The following FUZ variants were observed in gnomAD, a reference collection of about 807,000 sequenced individuals.
The protein encoded by FUZ is fuzzy planar cell polarity protein, also known as protein fuzzy homolog.
In FUZ, 31 loss-of-function variants were observed where a neutral mutation model predicts 43.1. The ratio of observed to expected loss-of-function variants is 0.72; its 90% CI spans 0.54 to 0.97. The LOEUF (loss-of-function observed/expected upper bound fraction) is 0.97. FUZ is among the 50% of genes least tolerant of loss of function. The pLI is 0.00. For missense variants in FUZ, 539 were observed against 543.8 expected, an observed-to-expected ratio of 0.99 and a Z score of 0.09; for synonymous variants, 274 against 250.0, an observed-to-expected ratio of 1.10 and a Z score of -0.91.
intron 2 of FUZ, 120 bp downstream of exon 2, chr19:49,812,495 G>T: frequency 6.9e-7 from 1 of 1,459,816 alleles, no homozygotes; most frequent in Non-Finnish European, 9.6e-7. Flanking sequence ...TAACTGGCTT[G>T]CTAAAGATCC....
In FUZ at chr19:49,807,339, A is replaced by G; in HGVS notation, c.1069T>C (p.Tyr357His). ...GPPEKTEDEV[Y>H]QAQLPRACYL... The stretch of plus-strand genomic sequence containing the variant: ...CAAGCTCTGGGCAGCTGGGCCTGGT[A>G]GACCTCATCTTCTGTCTTCTCTGGT... Residue 357 changes from tyrosine (Y) to histidine (H), a missense_variant, in exon 11 of 11, where the codon TAC (tyrosine) becomes CAC (histidine). Tyr to His is a moderately conservative substitution (Grantham distance 83, BLOSUM62 2). Transcript: ENST00000313777. 6.2e-7 allele frequency: 1 copy of G among 1,613,580 alleles called. No homozygotes were observed. Among genetic ancestry groups the G allele is most frequent in the Non-Finnish European group, 8.5e-7 (1 of 1,179,950 alleles).
At position 49,813,160 on chromosome 19, in the gene FUZ, G is replaced by A. The variant is rs1255126417; in HGVS notation, c.-54C>T. On this transcript the variant is annotated 5_prime_UTR_variant, in exon 1 of 11. Coordinates refer to ENST00000313777, the MANE Select transcript of FUZ (RefSeq NM_025129.5). ...GGGGACTGTCAGTGCGGGTCTTGGAGCATGGCGGTAATCAGAGTAACTCGG... is the reference window on the plus strand; with the variant it reads ...GGGGACTGTCAGTGCGGGTCTTGGAACATGGCGGTAATCAGAGTAACTCGG... 6.9e-7 allele frequency: 1 copy of A among 1,443,258 alleles called. No homozygotes were observed. The highest frequency in any genetic ancestry group is 2.0e-5 in the Admixed American group (1 of 50,886). 89.4% of individuals were successfully genotyped at this position (1,443,258 alleles called of 1,614,324 possible).
upstream of FUZ, chr19:49,813,328 A>T: frequency 1.6e-6 from 1 of 642,964 alleles, no homozygotes; most frequent in Non-Finnish European, 2.9e-6. Flanking sequence ...CTTCCGCCCT[A>T]GCCGGAAGTC....
intron 2 of FUZ, 50 bp from the exon 3 acceptor site, chr19:49,812,385 G>A: frequency 6.6e-7 from 1 of 1,513,894 alleles, no homozygotes; most frequent in South Asian, 1.1e-5. Context: ...GAATCAGGAA[G>A]GGGTATGTTG....
chr19:49,812,449 G>T, intron 2 of FUZ, 114 bp from the exon 3 acceptor site: 3 of 1,308,788 alleles, frequency 2.3e-6, no homozygotes, highest in Non-Finnish European at 3.3e-6. Context: ...AGACCAACCT[G>T]CCTTTCTTAT....
rs368721486 is a variant in FUZ at position 49,808,759 on chromosome 19, C to A, written c.851G>T (p.Arg284Leu). Residue 284 changes from arginine (R) to leucine (L), a missense_variant, in exon 8 of 11, where the codon CGG (arginine) becomes CTG (leucine). Physicochemically the swap from Arg to Leu is moderately radical, Grantham distance 102. Transcript: ENST00000313777. ...AAGGGGGAAGCCACTGGGCAGCGCC[C>A]GGGGTCCCAACGGCAGACAGGCCCG... ...PLRACLPLGP[R>L]ALPSGFPLHT... 61 of 1,577,126 alleles carry A rather than the reference C, an allele frequency of 3.9e-5. No individual in the cohort carries two copies. The highest frequency in any genetic ancestry group is 3.3e-4 in the Middle Eastern group (2 of 6,020).
rs772843922 is a variant in FUZ, at chr19:49,807,272, C to T, written c.1136G>A (p.Arg379His). 2.0e-5 allele frequency: 32 copies of T among 1,613,232 alleles called. No homozygotes were observed. In the East Asian group the frequency reaches 2.2e-4, roughly 11 times the overall value. The change falls in exon 11 of 11, where the codon CGT becomes CAT. Residue 379 changes from arginine to histidine, a missense_variant. Arg to His is a conservative substitution (Grantham distance 29). Transcript: ENST00000313777. ...LGTEEPGTGV[R>H]LVALQLGLRR... ...AAGCCCCAGCTGCAAGGCCACCAGA[C>T]GCACTCCTGTGCCTGGTTCCTCAGT...
In FUZ at chr19:49,809,624, G is replaced by A; in HGVS notation, c.493-49C>T. 1 of 1,536,726 alleles carries A rather than the reference G, an allele frequency of 6.5e-7. No homozygotes were observed. Among genetic ancestry groups the A allele is most frequent in the Non-Finnish European group, 8.7e-7 (1 of 1,144,466 alleles). ...TGGGAGTCAGCAGACAAGCGTAGGG[G>A]GTGGCAGCGACTTCCCAGATGGGCA... On this transcript the variant is annotated intron_variant, in intron 5 of 10. Transcript: ENST00000313777. The surrounding 1 kb of genome is among the most constrained non-coding windows in gnomAD (Gnocchi z 5.1).
Position 49,807,178 on chromosome 19 carries a change from A to G in FUZ, c.1230T>C (p.Thr410=). 1 of 1,613,306 alleles carries G rather than the reference A, an allele frequency of 6.2e-7. No individual in the cohort carries two copies. Residue 410 remains threonine, a synonymous_variant, in exon 11 of 11, where the codon ACT becomes ACC. Transcript: ENST00000313777. ...AAAGAAGTGGGGTGAGGGCATGCAG[A>G]GTGTGGGTGGCCAGGCTTCGCAGCC... ...THGLRSLATH[T]LHALTPLL is the part of the protein sequence containing the mutation.
rs1181999184 is a variant in FUZ at position 49,808,799 on chromosome 19, G to A, written c.811C>T (p.Leu271=). Reference sequence around the variant, plus strand: ...AGACAGGCCCGCAACGGGTCCAGCAGTGGCTGCCACCAGCGCTCCAGAAGC... The same window carrying A: ...AGACAGGCCCGCAACGGGTCCAGCAATGGCTGCCACCAGCGCTCCAGAAGC... The part of the protein sequence containing the change: ...PQLLERWWQP[L]LDPLRACLPL... The change falls in exon 8 of 11, where the codon CTG becomes TTG. Residue 271 remains leucine, a synonymous_variant. Coordinates refer to ENST00000313777, the MANE Select transcript of FUZ (RefSeq NM_025129.5). The A allele has an allele frequency of 1.9e-6, 3 of 1,554,518 alleles. No homozygotes were observed. Among genetic ancestry groups the A allele is most frequent in the Non-Finnish European group, 2.6e-6 (3 of 1,149,810 alleles).
intron 10 of FUZ, chr19:49,808,126 A>C (rs1410708479): frequency 2.0e-6 from 1 of 497,184 alleles, no homozygotes; most frequent in East Asian, 3.9e-5. Context: ...TGTGAGGATG[A>C]AGTGATTTCA....
chr19:49,812,085 G>A (rs559547029), intron 3 of FUZ, among the ~76,000 whole-genome samples, 166 bp downstream of exon 3: 3 of 152,324 alleles, frequency 2.0e-5, no homozygotes, highest in African/African-American at 7.2e-5. Flanking sequence ...TCCAGCCTGG[G>A]CAACAGAGCG....
Position 49,808,748 on chromosome 19 carries a change from T to G in FUZ, c.862A>C (p.Ser288Arg). 1.3e-6 allele frequency: 2 copies of G among 1,583,030 alleles called. No homozygotes were observed. Among genetic ancestry groups the G allele is most frequent in the Non-Finnish European group, 1.7e-6 (2 of 1,164,430 alleles). The part of the protein sequence containing the change: ...CLPLGPRALP[S>R]GFPLHTDILG... Reference sequence around the variant, plus strand: ...ATGTCTGTGTGAAGGGGGAAGCCACTGGGCAGCGCCCGGGGTCCCAACGGC... The same window carrying G: ...ATGTCTGTGTGAAGGGGGAAGCCACGGGGCAGCGCCCGGGGTCCCAACGGC... Residue 288 changes from serine to arginine, a missense_variant, in exon 8 of 11, where the codon AGT becomes CGT. Ser to Arg is a moderately radical substitution (Grantham distance 110). Transcript: ENST00000313777.
chr19:49,808,450 A>C lies in FUZ; in HGVS notation c.997T>G (p.Phe333Val). The stretch of plus-strand genomic sequence containing the variant: ...TGCGTGGAGGTGACCAGGGTATAGA[A>C]GTTTCGGAGGAGGCGCCGGCGCTGT... ...PEQRRRLLRN[F>V]YTLVTSTHFP... Residue 333 changes from phenylalanine to valine, a missense_variant, in exon 10 of 11, where the codon TTC becomes GTC. Coordinates refer to ENST00000313777, the MANE Select transcript of FUZ (RefSeq NM_025129.5). 6.2e-7 allele frequency: 1 copy of C among 1,612,732 alleles called. No homozygotes were observed. The highest frequency in any genetic ancestry group is 8.5e-7 in the Non-Finnish European group (1 of 1,179,682).
Position 49,813,134 on chromosome 19 carries a change from TG to T in FUZ, c.-29del, listed in dbSNP as rs1302573530. The T allele has an allele frequency of 4.3e-5, 66 of 1,527,538 alleles. No individual in the cohort carries two copies. The highest frequency in any genetic ancestry group is 5.7e-5 in the Non-Finnish European group (64 of 1,125,672). The allele number at this position is 1,527,538 out of a possible 1,614,324, so 94.6% of individuals were successfully genotyped here. A position where few individuals can be genotyped will look rare whatever the true frequency, so the allele number is the denominator to read the frequency against. ...AGGACTCCCACCGCGGTCCCTCACG[TG>T]GGGACTGTCAGTGCGGGTCTTGGAG... On this transcript the variant is annotated 5_prime_UTR_variant, in exon 1 of 11. Transcript: ENST00000313777.
At position 49,809,471 on chromosome 19, in the gene FUZ, C is replaced by T. The variant is rs764321850; in HGVS notation, c.597G>A (p.Thr199=). The T allele has an allele frequency of 2.2e-5, 34 of 1,569,656 alleles. No individual in the cohort carries two copies. Among genetic ancestry groups the T allele is most frequent in the Non-Finnish European group, 2.7e-5 (31 of 1,161,990 alleles). The change falls in exon 6 of 11, where the codon ACG becomes ACA. Residue 199 remains threonine (T), a synonymous_variant. Coordinates refer to ENST00000313777, the MANE Select transcript of FUZ (RefSeq NM_025129.5). The surrounding 1 kb of genome is among the most constrained non-coding windows in gnomAD (Gnocchi z 5.1). ...AATEGWWRLG[T]PEAVLLPWLV... ...GCCAGGGGAGCAGCACGGCCTCGGG[C>T]GTCCCCAGCCGCCACCAACCCTCTG... is the stretch of plus-strand genomic sequence containing the variant.
intron 5 of FUZ, 106 bp downstream of exon 5, chr19:49,811,257 C>T (rs1258480853): frequency 7.9e-6 from 6 of 764,328 alleles, no homozygotes; most frequent in Middle Eastern, 2.2e-4. Context: ...GGACTGGAAG[C>T]TGAGAGGATA....
chr19:49,812,568 G>T, intron 2 of FUZ, 47 bp downstream of exon 2: 1 of 1,613,512 alleles, frequency 6.2e-7, no homozygotes, highest in Non-Finnish European at 8.5e-7. Flanking sequence ...CTTCAACAGG[G>T]ACTATCACCC....
intron 2 of FUZ, 88 bp downstream of exon 2, chr19:49,812,527 T>A (rs949673029): frequency 6.3e-7 from 1 of 1,577,218 alleles, no homozygotes; most frequent in Non-Finnish European, 8.7e-7. Context: ...TAACAGCTGC[T>A]TTTAGAGAGC....
Sources: gnomAD v4.1 joint callset for allele counts (sites outside exome capture counted in the v4.1 genomes callset) on GRCh38, gnomAD v4.1.1 for gene constraint, Gnocchi (gnomAD v3.1) non-coding constraint, MANE v1.5 for transcripts, NCBI Gene and HGNC (gene_info 2026-07-23, HGNC 2026-07-21) for gene names.